The following NREP variants were observed in gnomAD, a reference collection of about 807,000 sequenced individuals.
NREP encodes neuronal regeneration-related protein.
NREP carries 5 observed loss-of-function variants against 8.6 expected under a neutral mutation model. The ratio of observed to expected loss-of-function variants is 0.58; its 90% CI spans 0.30 to 1.22. The LOEUF is 1.22. NREP is among the 50% of genes most tolerant of loss of function. The probability of loss-of-function intolerance (pLI) is 0.07; values close to 1 mark genes in which losing one functional copy is unlikely to be tolerated. For synonymous variants in NREP, 27 were observed against 28.0 expected (o/e 0.96, Z 0.11); for missense variants, 86 against 82.5 (o/e 1.04, Z -0.17).
At chr5:111,752,135 A>G (rs1750400061) in intron 2 of NREP, among the ~76,000 whole-genome samples, 1 of 152,226 alleles carries the variant, frequency 6.6e-6, no homozygotes, top group African/African-American at 2.4e-5. Flanking sequence ...AAAACAAAGT[A>G]AATTTCTTCA....
At chr5:111,964,360 T>A (rs1011835988) in intron 2 of NREP, among the ~76,000 whole-genome samples, 3 of 152,140 alleles carry the variant, frequency 2.0e-5, no homozygotes, top group African/African-American at 7.2e-5. Context: ...AGTCATGTAT[T>A]CCACTGTTTT....
chr5:111,932,131 A>G (rs1755556271), intron 2 of NREP, among the ~76,000 whole-genome samples: 1 of 151,652 alleles, frequency 6.6e-6, no homozygotes, highest in African/African-American at 2.4e-5. Flanking sequence ...AAAAAAAAAA[A>G]AAGAAAAGAA....
intron 2 of NREP, among the ~76,000 whole-genome samples, chr5:111,754,572 G>A (rs1018077303): frequency 5.9e-5 from 9 of 152,178 alleles, no homozygotes; most frequent in African/African-American, 2.2e-4. Context: ...AGCTAATTAA[G>A]AATTTAATAT....
At chr5:111,927,797 C>A (rs943544013) in intron 2 of NREP, among the ~76,000 whole-genome samples, 1 of 152,082 alleles carries the variant, frequency 6.6e-6, no homozygotes, top group African/African-American at 2.4e-5. Context: ...ATATTTAAGC[C>A]CTCAAAAACC....
At chr5:111,971,722 C>G (rs1170024247) in intron 2 of NREP, among the ~76,000 whole-genome samples, 1 of 152,056 alleles carries the variant, frequency 6.6e-6, no homozygotes, top group African/African-American at 2.4e-5. Flanking sequence ...CAAAAGTAAA[C>G]TCAAGTGGAT....
intron 2 of NREP, among the ~76,000 whole-genome samples, chr5:111,749,248 G>A (rs867966169): frequency 3.3e-5 from 5 of 152,142 alleles, no homozygotes; most frequent in South Asian, 2.1e-4. Context: ...GGTATGAGGT[G>A]GAGAAGGCAT....
chr5:111,752,386 GA>G lies in NREP; in HGVS notation c.3+3383del, dbSNP rs890050497. ...CTCACTGTTCACTGGAAACTGTGGT[GA>G]AAAAGACAGTACCATATAAAATTAT... On this transcript the variant is annotated intron_variant, in intron 2 of 3. Transcript: ENST00000257435. Among the ~76,000 whole-genome samples the G allele has an allele frequency of 1.7e-3, 263 of 152,240 alleles. 1 individual carries two copies. Among genetic ancestry groups the G allele is most frequent in the African/African-American group, 6.0e-3 (248 of 41,564 alleles).
At chr5:111,840,481 G>C (rs1414117020) in intron 2 of NREP, among the ~76,000 whole-genome samples, 2 of 152,102 alleles carry the variant, frequency 1.3e-5, no homozygotes, top group Non-Finnish European at 2.9e-5. Context: ...TGTTACAGGA[G>C]AGAATAAACA....
intron 2 of NREP, among the ~76,000 whole-genome samples, chr5:111,874,899 A>G (rs1006914422): frequency 7.2e-5 from 11 of 152,194 alleles, no homozygotes; most frequent in Admixed American, 6.5e-5. Flanking sequence ...TCTACTCTTG[A>G]GTAGGCTAGG....
intron 2 of NREP, among the ~76,000 whole-genome samples, chr5:111,809,542 C>A (rs1581133404): frequency 6.6e-6 from 1 of 152,248 alleles, no homozygotes; most frequent in East Asian, 1.9e-4. Context: ...TGGATTAGTT[C>A]TTGTGAGAAT....
At chr5:111,750,410 AT>A (rs1296869706) in intron 2 of NREP, among the ~76,000 whole-genome samples, 2 of 152,188 alleles carry the variant, frequency 1.3e-5, no homozygotes, top group East Asian at 3.9e-4. Context: ...CCAATCGTTA[AT>A]GGCGCCCTGG....
chr5:111,853,309 G>C (rs1753352969), intron 2 of NREP, among the ~76,000 whole-genome samples: 1 of 152,104 alleles, frequency 6.6e-6, no homozygotes, highest in South Asian at 2.1e-4. Flanking sequence ...TCGTACTGCA[G>C]TGGTGGACAC....
At chr5:111,756,199 A>T (rs1333640936) in intron 1 of NREP, 1 of 1,018,828 alleles carries the variant, frequency 9.8e-7, no homozygotes, top group Non-Finnish European at 1.2e-6. Context: ...ATTTGCAATC[A>T]AGACGACAGA....
intron 2 of NREP, among the ~76,000 whole-genome samples, chr5:111,753,625 C>T (rs980780489): frequency 2.6e-5 from 4 of 151,664 alleles, no homozygotes; most frequent in Non-Finnish European, 4.4e-5. Flanking sequence ...AAATTAGATC[C>T]TCTTTAGCGT....
chr5:111,900,741 G>A (rs1005123440), intron 2 of NREP, among the ~76,000 whole-genome samples: 1 of 151,874 alleles, frequency 6.6e-6, no homozygotes, highest in Non-Finnish European at 1.5e-5. Flanking sequence ...GACCAATAAT[G>A]AATAATGAGA....
intron 2 of NREP, among the ~76,000 whole-genome samples, chr5:111,793,120 T>C (rs1373291270): frequency 6.6e-6 from 1 of 152,214 alleles, no homozygotes; most frequent in Admixed American, 6.5e-5. Flanking sequence ...AAATGAAACA[T>C]GGGCATTTCC....
intron 2 of NREP, among the ~76,000 whole-genome samples, chr5:111,809,872 T>C (rs11739745): frequency 0.31 from 8,473 of 27,522 alleles, 475 homozygotes; most frequent in African/African-American, 0.44. Context: ...GACTTTGGCG[T>C]GTGTGTGTGT....
chr5:111,757,553 A>T, upstream of NREP: 1 of 984,694 alleles, frequency 1.0e-6, no homozygotes, highest in Non-Finnish European at 1.2e-6. Flanking sequence ...TAGGAGCCAG[A>T]CTGCTTACTC....
chr5:111,823,662 G>T (rs1581143043), intron 2 of NREP, among the ~76,000 whole-genome samples: 2 of 152,162 alleles, frequency 1.3e-5, no homozygotes, highest in South Asian at 4.1e-4. Flanking sequence ...TCTGAGCTGA[G>T]CGCTATAAGA....
Sources: allele counts gnomAD v4.1 joint callset (sites outside exome capture counted in the v4.1 genomes callset), GRCh38; gene constraint gnomAD v4.1.1; transcripts MANE v1.5; gene names NCBI Gene and HGNC (gene_info 2026-07-23, HGNC 2026-07-21).